Variants in EPS15L1 observed in about 807,000 individuals in gnomAD.
The protein encoded by EPS15L1 is epidermal growth factor receptor pathway substrate 15 like 1.
Under a neutral mutation model 117.1 loss-of-function variants are expected in EPS15L1, and 43 were observed. The observed-to-expected ratio is 0.37, with a 90% CI of 0.29 to 0.47. The LOEUF is 0.47. Among genes scored for constraint, EPS15L1 ranks in the 20% least tolerant of loss-of-function variants. The probability of loss-of-function intolerance (pLI) is 0.99; values close to 1 mark genes in which losing one functional copy is unlikely to be tolerated. For missense variants in EPS15L1, 981 were observed against 1,164.0 expected (o/e 0.84, Z 2.29); for synonymous variants, 459 against 470.5 (o/e 0.98, Z 0.32).
Position 16,362,511 on chromosome 19 carries a change from C to CTTTT in EPS15L1, c.2381-531_2381-528dup, listed in dbSNP as rs71178690. The stretch of plus-strand genomic sequence containing the variant: ...GCTCTGCCATGCTGAGGTTTAAGTT[C>CTTTT]TTTTTTTTTTTTTTTTTTTTTTTTT... On this transcript the variant is annotated intron_variant, in intron 22 of 23. Coordinates refer to ENST00000455140, the MANE Select transcript of EPS15L1 (RefSeq NM_001258374.3). 1.1e-4 allele frequency among the ~76,000 whole-genome samples: 6 copies of CTTTT among 56,034 alleles called. 1 individual carries two copies. The highest frequency in any genetic ancestry group is 1.5e-4 in the Non-Finnish European group (4 of 27,372). 36.8% of individuals were successfully genotyped at this position (56,034 alleles called of 152,430 possible). A position where few individuals can be genotyped will look rare whatever the true frequency, so the allele number is the denominator to read the frequency against.
chr19:16,434,362 T>C lies in EPS15L1; in HGVS notation c.498+3A>G, dbSNP rs1364337340. 3 of 1,613,580 alleles carry C rather than the reference T, an allele frequency of 1.9e-6. No homozygotes were observed. Among genetic ancestry groups the C allele is most frequent in the Non-Finnish European group, 2.5e-6 (3 of 1,179,818 alleles). On this transcript the variant is annotated splice_donor_region_variant and intron_variant, in intron 7 of 23. Coordinates refer to ENST00000455140, the MANE Select transcript of EPS15L1 (RefSeq NM_001258374.3). ...AGAAGAACCAAGCCCGTGGCCCACT[T>C]ACCCTGCCCAGGACATCAAGAGGCA... is the stretch of plus-strand genomic sequence containing the variant.
intron 1 of EPS15L1, among the ~76,000 whole-genome samples, chr19:16,450,386 C>T (rs1195287114): frequency 1.3e-5 from 2 of 151,560 alleles, no homozygotes; most frequent in Admixed American, 6.6e-5. Flanking sequence ...GGGCAGGGAA[C>T]GCATGCCTTA....
chr19:16,421,521 G>C (rs779375505), intron 9 of EPS15L1, 45 bp from the exon 10 acceptor site: 54 of 1,572,284 alleles, frequency 3.4e-5, no homozygotes, highest in Non-Finnish European at 4.6e-5. Context: ...AGCTTTTTAT[G>C]ACCCCCAGAC....
In EPS15L1 at chr19:16,441,949, C is replaced by T. The variant is rs1019434026; in HGVS notation, c.108G>A (p.Ala36=). 20 of 1,613,934 alleles carry T rather than the reference C, an allele frequency of 1.2e-5. No individual in the cohort carries two copies. Among genetic ancestry groups the T allele is most frequent in the Non-Finnish European group, 1.4e-5 (17 of 1,179,982 alleles). ...TCTTTAGAAAAAGCGCAGCTTCACT[C>T]GCCCCCACCCTCCCTGTGTATGCCG... The part of the protein sequence containing the change: ...VDPAYTGRVG[A]SEAALFLKKS... The change falls in exon 3 of 24, where the codon GCG becomes GCA. Residue 36 remains alanine, a synonymous_variant. Transcript: ENST00000455140.
At chr19:16,403,665 G>A in intron 15 of EPS15L1, 68 bp downstream of exon 15, 4 of 1,431,278 alleles carry the variant, frequency 2.8e-6, no homozygotes, top group Non-Finnish European at 3.9e-6. Flanking sequence ...GAGTTCAGCA[G>A]TGGCAGCCTC....
intron 12 of EPS15L1, 114 bp from the exon 13 acceptor site, chr19:16,413,959 CT>C (rs2092732494): frequency 2.6e-6 from 2 of 763,878 alleles, no homozygotes; most frequent in Admixed American, 2.2e-5. Context: ...TGGCAGAAGT[CT>C]AAGAATGAGA....
At chr19:16,434,106 C>T (rs899309215) in intron 7 of EPS15L1, among the ~76,000 whole-genome samples, 2 of 152,236 alleles carry the variant, frequency 1.3e-5, no homozygotes, top group Admixed American at 1.3e-4. Flanking sequence ...AGCAATTTCA[C>T]TTCTGAGTCC....
chr19:16,465,959 G>C (rs933925810), intron 1 of EPS15L1, among the ~76,000 whole-genome samples: 1 of 151,286 alleles, frequency 6.6e-6, no homozygotes, highest in Non-Finnish European at 1.5e-5. Flanking sequence ...GGCAAGGGAC[G>C]TAACAATCTC....
rs1466084497 is a variant in EPS15L1, at chr19:16,452,836, C to T, written c.34-10617G>A. Among the ~76,000 whole-genome samples, 3 of 151,500 alleles carry T rather than the reference C, an allele frequency of 2.0e-5. No homozygotes were observed. In the East Asian group the frequency reaches 5.8e-4, roughly 29 times the overall value. ...TTTTGAGATGGAGTCTCGCTCTGTC[C>T]CCCAAGCTGGAGCGCAGTGGCACGA... On this transcript the variant is annotated intron_variant, in intron 1 of 23. Transcript: ENST00000455140.
At chr19:16,459,364 ACCGGCCCCTCT>A (rs2145169877) in intron 1 of EPS15L1, among the ~76,000 whole-genome samples, 1 of 152,286 alleles carries the variant, frequency 6.6e-6, no homozygotes, top group Non-Finnish European at 1.5e-5. Flanking sequence ...TGCTGTAATG[ACCGGCCCCTCT>A]CACTACATTC....
chr19:16,393,019 G>T (rs1197686951), intron 18 of EPS15L1, among the ~76,000 whole-genome samples: 1 of 151,522 alleles, frequency 6.6e-6, no homozygotes, highest in African/African-American at 2.4e-5. Flanking sequence ...TCCAGCCTAG[G>T]CAATAGAGTA....
intron 5 of EPS15L1, among the ~76,000 whole-genome samples, chr19:16,437,397 T>C (rs1023648377): frequency 6.6e-6 from 1 of 152,108 alleles, no homozygotes; most frequent in African/African-American, 2.4e-5. Flanking sequence ...CAAAAGACCA[T>C]GTTAGAGAAT....
intron 23 of EPS15L1, among the ~76,000 whole-genome samples, chr19:16,359,718 C>G (rs555334069): frequency 6.6e-6 from 1 of 152,014 alleles, no homozygotes; most frequent in East Asian, 1.9e-4. Flanking sequence ...TAAAATTAGC[C>G]AGATGTGGTG....
At chr19:16,390,968 T>C (rs1245889286) in intron 19 of EPS15L1, among the ~76,000 whole-genome samples, 1 of 152,134 alleles carries the variant, frequency 6.6e-6, no homozygotes, top group Non-Finnish European at 1.5e-5. Flanking sequence ...GTACGTAATA[T>C]CCCAATAAAC....
chr19:16,355,741 G>A lies in EPS15L1; in HGVS notation c.2697C>T (p.Ala899=), dbSNP rs547301069. Residue 899 remains alanine (A), a synonymous_variant, in exon 24 of 24, where the codon GCC becomes GCT. Coordinates refer to ENST00000455140, the MANE Select transcript of EPS15L1 (RefSeq NM_001258374.3). Reference sequence around the variant, plus strand: ...GCATGTCAGCCTTGCTGAGCGCGATGGCCAGTTCCAGGTCCTCCTGCTCCT... The same window carrying A: ...GCATGTCAGCCTTGCTGAGCGCGATAGCCAGTTCCAGGTCCTCCTGCTCCT... ...RRQEQEDLEL[A]IALSKADMPA... The A allele has an allele frequency of 3.5e-4, 536 of 1,536,032 alleles. 4 individuals are homozygous for A. In the South Asian group the frequency reaches 5.3e-3, roughly 15 times the overall value.
At chr19:16,434,266 G>A in intron 7 of EPS15L1, 99 bp downstream of exon 7, 2 of 1,476,990 alleles carry the variant, frequency 1.4e-6, no homozygotes, top group Non-Finnish European at 1.8e-6. Context: ...GGAGAAAACA[G>A]AGCAAGAGCC....
intron 20 of EPS15L1, 106 bp from the exon 21 acceptor site, chr19:16,385,317 G>A: frequency 3.2e-6 from 3 of 930,464 alleles, no homozygotes; most frequent in South Asian, 1.4e-5. Context: ...GACTCAGGAA[G>A]GCTGCATTTA....
chr19:16,418,273 C>G (rs1231594072), intron 10 of EPS15L1, among the ~76,000 whole-genome samples, 169 bp from the exon 11 acceptor site: 1 of 152,136 alleles, frequency 6.6e-6, no homozygotes, highest in Non-Finnish European at 1.5e-5. Flanking sequence ...AGGAAGTGGC[C>G]CAGGGGTTCC....
chr19:16,410,029 G>A lies in EPS15L1; in HGVS notation c.1266+3744C>T, dbSNP rs1599599642. 2.0e-5 allele frequency among the ~76,000 whole-genome samples: 3 copies of A among 150,788 alleles called. No homozygotes were observed. The South Asian group carries it at 6.3e-4, about 31-fold the overall frequency. Reference sequence around the variant, plus strand: ...CATGCCTGTAATCCCAGCTACTCGGGAAGCCGAGGCACGAAAATCATTTGA... The same window carrying A: ...CATGCCTGTAATCCCAGCTACTCGGAAAGCCGAGGCACGAAAATCATTTGA... On this transcript the variant is annotated intron_variant, in intron 13 of 23. Coordinates refer to ENST00000455140, the MANE Select transcript of EPS15L1 (RefSeq NM_001258374.3).
Sources: gnomAD v4.1 joint callset for allele counts (sites outside exome capture counted in the v4.1 genomes callset) on GRCh38, gnomAD v4.1.1 for gene constraint, MANE v1.5 for transcripts, NCBI Gene and HGNC (gene_info 2026-07-23, HGNC 2026-07-21) for gene names.